The following TTLL5 variants were observed in gnomAD, a reference collection of about 807,000 sequenced individuals.
TTLL5 encodes tubulin tyrosine ligase like 5.
Under a neutral mutation model 168.4 loss-of-function variants are expected in TTLL5, and 132 were observed. That is an observed-to-expected ratio of 0.78 (90% confidence interval 0.68 to 0.91). TTLL5 has a LOEUF of 0.91. TTLL5 is among the 40% of genes least tolerant of loss of function. The pLI, the probability that TTLL5 is intolerant of heterozygous loss-of-function variation, is 0.00. For missense variants in TTLL5, 1,545 were observed against 1,581.5 expected, an observed-to-expected ratio of 0.98 and a Z score of 0.39; for synonymous variants, 546 against 558.6, an observed-to-expected ratio of 0.98 and a Z score of 0.32.
chr14:75,785,039 CTT>C (rs1366199482), intron 26 of TTLL5, among the ~76,000 whole-genome samples: 3 of 151,980 alleles, frequency 2.0e-5, no homozygotes, highest in Non-Finnish European at 4.4e-5. Flanking sequence ...TGATGGTTAT[CTT>C]TTCACTTTCT....
At chr14:75,696,830 A>T (rs1196027076) in intron 6 of TTLL5, among the ~76,000 whole-genome samples, 1 of 152,226 alleles carries the variant, frequency 6.6e-6, no homozygotes, top group Non-Finnish European at 1.5e-5. Flanking sequence ...TATATAACAT[A>T]CATTGCCCTG....
intron 24 of TTLL5, among the ~76,000 whole-genome samples, chr14:75,780,846 C>G (rs1892005145): frequency 6.6e-6 from 1 of 152,108 alleles, no homozygotes; most frequent in South Asian, 2.1e-4. Flanking sequence ...CTTCATTCAC[C>G]TGTTCATTCA....
intron 30 of TTLL5, among the ~76,000 whole-genome samples, chr14:75,895,349 C>T (rs559864000): frequency 1.6e-4 from 24 of 152,240 alleles, no homozygotes; most frequent in South Asian, 1.2e-3. Flanking sequence ...GCAGTTACAG[C>T]TATGCATGGA....
chr14:75,829,439 T>A (rs1019182468), intron 28 of TTLL5, among the ~76,000 whole-genome samples: 38 of 152,138 alleles, frequency 2.5e-4, no homozygotes, highest in Non-Finnish European at 5.3e-4. Flanking sequence ...AATAAAAAAA[T>A]TTATTGAGAA....
rs576142380 is a variant in TTLL5 at position 75,837,622 on chromosome 14, G to A, written c.3326+17461G>A. On this transcript the variant is annotated intron_variant, in intron 28 of 31. Coordinates refer to ENST00000298832, the MANE Select transcript of TTLL5 (RefSeq NM_015072.5). ...CATTCTTCCCTCCCCCCAACGCCTG[G>A]ACACTACTGTGGTATTTTCTATCTA... Among the ~76,000 whole-genome samples, 5 of 152,050 alleles carry A rather than the reference G, an allele frequency of 3.3e-5. No homozygotes were observed. In the South Asian group the frequency reaches 8.3e-4, roughly 25 times the overall value.
chr14:75,762,749 T>C (rs983246007), intron 18 of TTLL5, among the ~76,000 whole-genome samples: 5 of 152,238 alleles, frequency 3.3e-5, no homozygotes, highest in African/African-American at 1.2e-4. Flanking sequence ...CTTCTCCATA[T>C]CTGTGAGCTT....
At chr14:75,872,769 T>C (rs2031140194) in intron 29 of TTLL5, among the ~76,000 whole-genome samples, 1 of 151,780 alleles carries the variant, frequency 6.6e-6, no homozygotes, top group East Asian at 2.0e-4. Context: ...AAATTAGCTG[T>C]GCGTGGTTGC....
At chr14:75,771,940 A>G in intron 21 of TTLL5, 86 bp downstream of exon 21, 1 of 1,456,728 alleles carries the variant, frequency 6.9e-7, no homozygotes, top group Non-Finnish European at 9.2e-7. Flanking sequence ...ATTAGGGTAA[A>G]GTGCGATATT....
rs891143546 is a variant in TTLL5, at chr14:75,661,366, G to A, written c.-117G>A. 5 of 152,172 alleles carry A rather than the reference G, an allele frequency of 3.3e-5. No individual in the cohort carries two copies. Among genetic ancestry groups the A allele is most frequent in the African/African-American group, 1.2e-4 (5 of 41,400 alleles). 9.4% of individuals were successfully genotyped at this position (152,172 alleles called of 1,614,324 possible). A position where few individuals can be genotyped will look rare whatever the true frequency, so the allele number is the denominator to read the frequency against. On this transcript the variant is annotated 5_prime_UTR_variant, in exon 1 of 32. Coordinates refer to ENST00000298832, the MANE Select transcript of TTLL5 (RefSeq NM_015072.5). ...AGCGCGGTCCACGCCTGCTCGCCCCGAACCATGGGAAGATGAGACAGGTAA... is the reference window on the plus strand; with the variant it reads ...AGCGCGGTCCACGCCTGCTCGCCCCAAACCATGGGAAGATGAGACAGGTAA...
At chr14:75,723,125 CT>C (rs908757696) in intron 12 of TTLL5, among the ~76,000 whole-genome samples, 2 of 151,850 alleles carry the variant, frequency 1.3e-5, no homozygotes, top group African/African-American at 2.4e-5. Context: ...CATGGCAGCA[CT>C]TTTTTTTAAA....
At chr14:75,909,091 T>C (rs2033264570) in intron 31 of TTLL5, among the ~76,000 whole-genome samples, 1 of 151,936 alleles carries the variant, frequency 6.6e-6, no homozygotes, top group Admixed American at 6.6e-5. Flanking sequence ...TTCTGTATTC[T>C]TAGTGCCCTG....
At chr14:75,707,348 GAC>G (rs1886728537) in intron 8 of TTLL5, among the ~76,000 whole-genome samples, 2 of 151,892 alleles carry the variant, frequency 1.3e-5, no homozygotes, top group Non-Finnish European at 1.5e-5. Context: ...ATATGAAAAT[GAC>G]ACACATATGC....
At chr14:75,775,708 A>C in intron 22 of TTLL5, 78 bp downstream of exon 22, 1 of 1,526,782 alleles carries the variant, frequency 6.5e-7, no homozygotes, top group Non-Finnish European at 8.9e-7. Context: ...GCCTCTGTCC[A>C]ACTGGATGGA....
intron 9 of TTLL5, among the ~76,000 whole-genome samples, chr14:75,713,356 C>T (rs1215562313): frequency 2.0e-5 from 3 of 152,292 alleles, no homozygotes; most frequent in East Asian, 3.9e-4. Context: ...AGGTTTGTAG[C>T]CTACAAGCAA....
intron 31 of TTLL5, among the ~76,000 whole-genome samples, chr14:75,914,033 A>AAAAAAAAAAAATATATATAT: frequency 6.1e-4 from 43 of 71,064 alleles, no homozygotes; most frequent in African/African-American, 7.7e-4. Flanking sequence ...AAAAAAAAAA[A>AAAAAAAAAAAATATATATAT]ATATATATAT....
chr14:75,925,375 G>A (rs1403863107), intron 31 of TTLL5, among the ~76,000 whole-genome samples: 4 of 149,430 alleles, frequency 2.7e-5, no homozygotes, highest in African/African-American at 1.0e-4. Flanking sequence ...CCTCCGAGAC[G>A]GGGTCGCGAC....
At chr14:75,866,374 C>A (rs1164186246) in intron 29 of TTLL5, among the ~76,000 whole-genome samples, 4 of 152,310 alleles carry the variant, frequency 2.6e-5, no homozygotes, top group African/African-American at 9.6e-5. Context: ...GGATTCATTT[C>A]TCTAAAGTGT....
chr14:75,663,130 CA>C lies in TTLL5; in HGVS notation c.-19del. 1 of 1,612,366 alleles carries C rather than the reference CA, an allele frequency of 6.2e-7. No individual in the cohort carries two copies. The highest frequency in any genetic ancestry group is 8.5e-7 in the Non-Finnish European group (1 of 1,179,176). On this transcript the variant is annotated 5_prime_UTR_variant, in exon 2 of 32. It removes an upstream start codon present in the reference 5' UTR. Transcript: ENST00000298832. ...CTCTGAGGCCCCCGTCTGCTGACTG[CA>C]TGACAAACCCTAAAGGAAATGCCAA...
chr14:75,723,264 C>T (rs908483774), intron 12 of TTLL5, among the ~76,000 whole-genome samples: 9 of 152,208 alleles, frequency 5.9e-5, no homozygotes, highest in African/African-American at 2.2e-4. Context: ...TGCATGTCAG[C>T]GTCTTTTGCT....
Sources: allele counts gnomAD v4.1 joint callset (sites outside exome capture counted in the v4.1 genomes callset), GRCh38; gene constraint gnomAD v4.1.1; transcripts MANE v1.5; gene names NCBI Gene and HGNC (gene_info 2026-07-23, HGNC 2026-07-21).